ITGA1: variants seen among roughly 807,000 people sequenced by gnomAD.
ITGA1 encodes integrin subunit alpha 1.
In ITGA1, 85 loss-of-function variants were observed where a neutral mutation model predicts 145.9. The ratio of observed to expected loss-of-function variants is 0.58; its 90% CI spans 0.49 to 0.70. The LOEUF (loss-of-function observed/expected upper bound fraction) is 0.70. Among genes scored for constraint, ITGA1 ranks in the 30% least tolerant of loss-of-function variants. The pLI is 0.00. For missense variants in ITGA1, 1,351 were observed against 1,418.7 expected, an observed-to-expected ratio of 0.95 and a Z score of 0.77; for synonymous variants, 520 against 495.3, an observed-to-expected ratio of 1.05 and a Z score of -0.66.
intron 28 of ITGA1, among the ~76,000 whole-genome samples, chr5:52,947,808 T>C (rs1388836913): frequency 6.6e-6 from 1 of 152,284 alleles, no homozygotes. Context: ...CAATGAAAAC[T>C]GTCTTTTATA....
intron 1 of ITGA1, among the ~76,000 whole-genome samples, chr5:52,808,252 G>T (rs1003037745): frequency 6.6e-6 from 1 of 152,046 alleles, no homozygotes; most frequent in African/African-American, 2.4e-5. Flanking sequence ...CAAAAATAGT[G>T]GTACTTTAAA....
chr5:52,829,186 A>G (rs750004502), intron 1 of ITGA1, among the ~76,000 whole-genome samples: 4 of 152,178 alleles, frequency 2.6e-5, no homozygotes, highest in Non-Finnish European at 5.9e-5. Flanking sequence ...ATGAACATAT[A>G]TTAGGCTTCA....
chr5:52,923,394 T>C (rs965119526), intron 18 of ITGA1, among the ~76,000 whole-genome samples: 10 of 152,118 alleles, frequency 6.6e-5, no homozygotes, highest in African/African-American at 2.2e-4. Flanking sequence ...ATAGTTGTTT[T>C]TCAGCAAGCT....
In ITGA1 at chr5:52,865,625, A is replaced by G. The variant is rs1057017781; in HGVS notation, c.497-65A>G. On this transcript the variant is annotated intron_variant, in intron 5 of 28. Transcript: ENST00000282588. Reference sequence around the variant, plus strand: ...TAAAATGAACTTCTTTCAGCCATGAAAGCACTTCATATGCCTCTGAAAAAA... The same window carrying G: ...TAAAATGAACTTCTTTCAGCCATGAGAGCACTTCATATGCCTCTGAAAAAA... 2.6e-5 allele frequency: 34 copies of G among 1,302,556 alleles called. No individual in the cohort carries two copies. The Middle Eastern group carries it at 1.2e-3, about 46-fold the overall frequency. 80.7% of individuals were successfully genotyped at this position (1,302,556 alleles called of 1,614,324 possible). A position where few individuals can be genotyped will look rare whatever the true frequency, so the allele number is the denominator to read the frequency against.
intron 6 of ITGA1, among the ~76,000 whole-genome samples, chr5:52,871,157 C>A (rs941806368): frequency 6.6e-6 from 1 of 152,132 alleles, no homozygotes; most frequent in African/African-American, 2.4e-5. Flanking sequence ...ACTACAAATG[C>A]GCTTTGATGT....
chr5:52,869,337 T>C (rs1471930566), intron 6 of ITGA1, among the ~76,000 whole-genome samples: 3 of 152,102 alleles, frequency 2.0e-5, no homozygotes, highest in Non-Finnish European at 4.4e-5. Flanking sequence ...ATTTTTGTAT[T>C]TTTAGTAGAG....
intron 26 of ITGA1, among the ~76,000 whole-genome samples, chr5:52,941,017 T>C (rs1751046511): frequency 6.6e-6 from 1 of 152,148 alleles, no homozygotes; most frequent in South Asian, 2.1e-4. Flanking sequence ...CACTTATACG[T>C]GAGAACATGT....
intron 1 of ITGA1, among the ~76,000 whole-genome samples, chr5:52,843,323 A>G (rs1749285687): frequency 6.6e-6 from 1 of 152,202 alleles, no homozygotes; most frequent in Non-Finnish European, 1.5e-5. Context: ...GTAAGAAGCT[A>G]CTGAAATAAA....
chr5:52,802,225 A>T (rs1233828837), intron 1 of ITGA1: 1 of 162,784 alleles, frequency 6.1e-6, no homozygotes, highest in Non-Finnish European at 1.3e-5. Flanking sequence ...TTGCTATCTT[A>T]TCCTGTTTAC....
intron 1 of ITGA1, among the ~76,000 whole-genome samples, chr5:52,794,223 A>C (rs1348009020): frequency 6.6e-6 from 1 of 151,942 alleles, no homozygotes; most frequent in African/African-American, 2.4e-5. Context: ...TCCTAAAATA[A>C]ATGCAAATTC....
rs76717522 is a variant in ITGA1 at position 52,810,123 on chromosome 5, A to T, written c.61+21709A>T. 6.8e-3 allele frequency among the ~76,000 whole-genome samples: 1,032 copies of T among 152,322 alleles called. 13 individuals are homozygous for T. The highest frequency in any genetic ancestry group is 0.024 in the African/African-American group (977 of 41,564). On this transcript the variant is annotated intron_variant, in intron 1 of 28. Transcript: ENST00000282588. ...GCTTAGCTTCTTTCGTTTTTAGGAC[A>T]GCAAAGATGGGGATGGTGACAGGGG...
In ITGA1 at chr5:52,915,535, A is replaced by T; in HGVS notation, c.1929A>T (p.Leu643Phe). The change falls in exon 15 of 29, where the codon TTA becomes TTT. Residue 643 changes from leucine to phenylalanine, a missense_variant. By Grantham distance (22) the Leu-to-Phe change is conservative. Transcript: ENST00000282588. ...AGTCTATCCACGGAGAAATGGATTT[A>T]AATGGTGACGGTCTGACAGATGTGA... is the stretch of plus-strand genomic sequence containing the variant. ...FGQSIHGEMD[L>F]NGDGLTDVTI... 1 of 1,614,130 alleles carries T rather than the reference A, an allele frequency of 6.2e-7. No individual in the cohort carries two copies. Among genetic ancestry groups the T allele is most frequent in the Non-Finnish European group, 8.5e-7 (1 of 1,180,000 alleles).
intron 1 of ITGA1, chr5:52,824,649 C>G (rs1380077457): frequency 2.0e-5 from 3 of 152,038 alleles, no homozygotes; most frequent in Non-Finnish European, 4.4e-5. Context: ...GTACTTTTAC[C>G]CCATGCTAGA....
intron 8 of ITGA1, among the ~76,000 whole-genome samples, chr5:52,891,133 T>G (rs746581532): frequency 1.3e-5 from 2 of 152,204 alleles, no homozygotes; most frequent in Non-Finnish European, 2.9e-5. Context: ...CATCCATTGA[T>G]CCATACTTAA....
chr5:52,942,441 G>A (rs76230876), intron 26 of ITGA1, among the ~76,000 whole-genome samples: 9,653 of 151,122 alleles, frequency 0.064, 481 homozygotes, highest in African/African-American at 0.14. Context: ...TTTCAGCAGT[G>A]TTTTTTAGGT....
At chr5:52,895,024 A>C in intron 9 of ITGA1, among the ~76,000 whole-genome samples, 1 of 152,274 alleles carries the variant, frequency 6.6e-6, no homozygotes, top group African/African-American at 2.4e-5. Flanking sequence ...AATAAGGCAA[A>C]GTTTCACAAG....
Position 52,918,835 on chromosome 5 carries a change from A to C in ITGA1, c.2092A>C (p.Ile698Leu). The C allele has an allele frequency of 6.2e-7, 1 of 1,613,092 alleles. No homozygotes were observed. The change falls in exon 16 of 29, where the codon ATA becomes CTA. Residue 698 changes from isoleucine to leucine, a missense_variant. Coordinates refer to ENST00000282588, the MANE Select transcript of ITGA1 (RefSeq NM_181501.2). The stretch of plus-strand genomic sequence containing the variant: ...TATGGAGGGAAAGGAAACAGTATGC[A>C]TAAATGCTACAGTGTGTTTTGATGT... Reference protein sequence around the residue: ...CHMEGKETVCINATVCFDVKL... With the variant: ...CHMEGKETVCLNATVCFDVKL...
chr5:52,789,095 G>A (rs1748187909), intron 1 of ITGA1, among the ~76,000 whole-genome samples: 1 of 152,154 alleles, frequency 6.6e-6, no homozygotes, highest in Admixed American at 6.5e-5. Context: ...TTAAGGAGGG[G>A]ACTTAAAAAC....
intron 8 of ITGA1, among the ~76,000 whole-genome samples, chr5:52,888,887 G>A (rs1173162780): frequency 6.6e-6 from 1 of 152,212 alleles, no homozygotes; most frequent in Non-Finnish European, 1.5e-5. Flanking sequence ...GTCCTCTGAT[G>A]AGACGTGTGG....
Sources: gnomAD v4.1 joint callset for allele counts (sites outside exome capture counted in the v4.1 genomes callset) on GRCh38, gnomAD v4.1.1 for gene constraint, MANE v1.5 for transcripts, NCBI Gene and HGNC (gene_info 2026-07-23, HGNC 2026-07-21) for gene names.